Variants in BAIAP2L1 observed in about 807,000 individuals in gnomAD.
BAIAP2L1 encodes the protein BAR/IMD domain-containing adapter protein 2-like 1.
BAIAP2L1 carries 35 observed loss-of-function variants against 66.3 expected under a neutral mutation model. The ratio of observed to expected loss-of-function variants is 0.53; its 90% CI spans 0.40 to 0.70. The LOEUF is 0.70. Among genes scored for constraint, BAIAP2L1 ranks in the 30% least tolerant of loss-of-function variants. The pLI is 0.00. For synonymous variants in BAIAP2L1, 269 were observed against 248.7 expected (o/e 1.08, Z -0.77); for missense variants, 622 against 656.9 (o/e 0.95, Z 0.58).
intron 1 of BAIAP2L1, among the ~76,000 whole-genome samples, chr7:98,378,470 A>G (rs1402473684): frequency 6.6e-6 from 1 of 152,194 alleles, no homozygotes; most frequent in Non-Finnish European, 1.5e-5. Context: ...CCATTCCCAC[A>G]AACTCTCAGA....
chr7:98,355,660 C>T (rs560430568), intron 2 of BAIAP2L1, among the ~76,000 whole-genome samples: 47 of 151,662 alleles, frequency 3.1e-4, no homozygotes, highest in African/African-American at 9.2e-4. Flanking sequence ...GCCCAGGAGG[C>T]GGAGGTTGCA....
chr7:98,313,180 A>G (rs1200322697), intron 7 of BAIAP2L1, among the ~76,000 whole-genome samples: 1 of 147,202 alleles, frequency 6.8e-6, no homozygotes, highest in African/African-American at 2.5e-5. Context: ...ACTCTGCAGC[A>G]CCGTGGACCA....
At chr7:98,398,703 C>A (rs1435808113) in intron 1 of BAIAP2L1, among the ~76,000 whole-genome samples, 3 of 152,096 alleles carry the variant, frequency 2.0e-5, no homozygotes, top group African/African-American at 7.2e-5. Context: ...AAGACATGCC[C>A]AAGTGGTTGG....
intron 3 of BAIAP2L1, among the ~76,000 whole-genome samples, chr7:98,342,438 AGTTT>A (rs752257800): frequency 6.6e-6 from 1 of 152,206 alleles, no homozygotes. Flanking sequence ...TCTATAATGT[AGTTT>A]TTAAAAATTG....
intron 12 of BAIAP2L1, among the ~76,000 whole-genome samples, chr7:98,295,412 A>G (rs945942881): frequency 4.6e-5 from 7 of 152,220 alleles, no homozygotes; most frequent in Non-Finnish European, 8.8e-5. Flanking sequence ...AAATGGCCGC[A>G]AAAGTGACTT....
At chr7:98,310,231 G>T in intron 9 of BAIAP2L1, 1 of 521,554 alleles carries the variant, frequency 1.9e-6, no homozygotes. Context: ...ACTGGTAAAT[G>T]TCAGAGAAAT....
In BAIAP2L1 at chr7:98,357,636, C is replaced by T. The variant is rs572683306; in HGVS notation, c.128-2508G>A. Reference sequence around the variant, plus strand: ...GTTATGGTTTTTACCATATACATATCCAACTTTAGGAAATGCAATATTCTA... The same window carrying T: ...GTTATGGTTTTTACCATATACATATTCAACTTTAGGAAATGCAATATTCTA... On this transcript the variant is annotated intron_variant, in intron 2 of 13. Coordinates refer to ENST00000005260, the MANE Select transcript of BAIAP2L1 (RefSeq NM_018842.5). Among the ~76,000 whole-genome samples, 6 of 150,420 alleles carry T rather than the reference C, an allele frequency of 4.0e-5. No homozygotes were observed. The South Asian group carries it at 1.3e-3, about 32-fold the overall frequency.
intron 3 of BAIAP2L1, among the ~76,000 whole-genome samples, chr7:98,349,630 T>C (rs1161999468): frequency 6.6e-6 from 1 of 151,466 alleles, no homozygotes; most frequent in Non-Finnish European, 1.5e-5. Flanking sequence ...CCCAGCACTT[T>C]GGGAGGCCGA....
At chr7:98,301,254 CCT>C (rs1271178204) in intron 12 of BAIAP2L1, among the ~76,000 whole-genome samples, 2 of 152,176 alleles carry the variant, frequency 1.3e-5, no homozygotes, top group African/African-American at 2.4e-5. Context: ...CACCTCCACC[CCT>C]GTGCTGGATG....
chr7:98,298,986 G>A (rs1234403734), intron 12 of BAIAP2L1, among the ~76,000 whole-genome samples: 2 of 151,970 alleles, frequency 1.3e-5, no homozygotes, highest in African/African-American at 2.4e-5. Context: ...ACAGGTATAT[G>A]CCACCATGCC....
At chr7:98,384,849 C>T (rs1802850259) in intron 1 of BAIAP2L1, among the ~76,000 whole-genome samples, 1 of 152,066 alleles carries the variant, frequency 6.6e-6, no homozygotes, top group Non-Finnish European at 1.5e-5. Context: ...CAGGTGCCCG[C>T]CACCACGCCT....
chr7:98,344,487 CTTTTA>C (rs1201170867), intron 3 of BAIAP2L1, among the ~76,000 whole-genome samples: 1 of 152,054 alleles, frequency 6.6e-6, no homozygotes, highest in Non-Finnish European at 1.5e-5. Context: ...CATAAAGGAC[CTTTTA>C]TTTTAAGGAG....
intron 9 of BAIAP2L1, chr7:98,309,221 G>C (rs950331409): frequency 4.0e-5 from 6 of 151,818 alleles, no homozygotes; most frequent in Non-Finnish European, 7.3e-5. Flanking sequence ...TGTGATCTCG[G>C]CTCACTGCAA....
At chr7:98,362,267 G>A in intron 2 of BAIAP2L1, 90 bp downstream of exon 2, 1 of 984,886 alleles carries the variant, frequency 1.0e-6, no homozygotes, top group Non-Finnish European at 1.5e-6. Flanking sequence ...CCACTTAAAG[G>A]TATTTAAAAA....
chr7:98,353,501 T>G (rs1178055670), intron 3 of BAIAP2L1, among the ~76,000 whole-genome samples: 1 of 131,848 alleles, frequency 7.6e-6, no homozygotes, highest in Non-Finnish European at 1.5e-5. Context: ...TACACATATA[T>G]TTATATTATA....
intron 11 of BAIAP2L1, among the ~76,000 whole-genome samples, chr7:98,306,055 C>T (rs890257389): frequency 3.3e-5 from 5 of 152,128 alleles, no homozygotes; most frequent in East Asian, 1.9e-4. Flanking sequence ...GTCAAGCAGC[C>T]GGGGCCAGAG....
At chr7:98,299,767 G>A (rs948031306) in intron 12 of BAIAP2L1, among the ~76,000 whole-genome samples, 11 of 152,280 alleles carry the variant, frequency 7.2e-5, no homozygotes, top group African/African-American at 1.9e-4. Context: ...TTTGCCGGGC[G>A]CAGTGACTCA....
chr7:98,362,287 A>G (rs1431805304), intron 2 of BAIAP2L1, 70 bp downstream of exon 2: 3 of 1,210,674 alleles, frequency 2.5e-6, no homozygotes, highest in Admixed American at 2.1e-5. Context: ...ATTCAATACT[A>G]AGCATTTAAA....
intron 5 of BAIAP2L1, among the ~76,000 whole-genome samples, chr7:98,318,811 G>A (rs1441076674): frequency 6.6e-6 from 1 of 151,722 alleles, no homozygotes; most frequent in African/African-American, 2.4e-5. Flanking sequence ...GGGTGCAGTG[G>A]TGGGTGCCTG....
Sources: allele counts gnomAD v4.1 joint callset (sites outside exome capture counted in the v4.1 genomes callset), GRCh38; gene constraint gnomAD v4.1.1; transcripts MANE v1.5; gene names NCBI Gene and HGNC (gene_info 2026-07-23, HGNC 2026-07-21).